The following TXNDC11 variants were observed in gnomAD, a reference collection of about 807,000 sequenced individuals.
TXNDC11 encodes thioredoxin domain containing 11.
A neutral mutation model predicts 78.0 loss-of-function variants in TXNDC11; 68 were observed. That is an observed-to-expected ratio of 0.87 (90% confidence interval 0.72 to 1.07). The LOEUF (loss-of-function observed/expected upper bound fraction) is 1.07, where lower values mean the gene tolerates loss of function less well. TXNDC11 is among the 50% of genes least tolerant of loss of function. The pLI is 0.00. For synonymous variants in TXNDC11, 571 were observed against 495.2 expected, an observed-to-expected ratio of 1.15 and a Z score of -2.03; for missense variants, 1,389 against 1,221.8, an observed-to-expected ratio of 1.14 and a Z score of -2.04.
At chr16:11,705,029 G>C (rs763659896) in intron 5 of TXNDC11, among the ~76,000 whole-genome samples, 3 of 151,848 alleles carry the variant, frequency 2.0e-5, no homozygotes, top group Non-Finnish European at 4.4e-5. Flanking sequence ...CGAGTAGCTG[G>C]GATTATAGGC....
chr16:11,688,395 G>A lies in TXNDC11; in HGVS notation c.1951C>T (p.Leu651Phe). ...SVLYSPLKRH[L>F]IGSGSAQFPS... ...AACTGGGCAGAGCCACTTCCAATGAGATGCCTTTTCAAGGGACTATAGAGA... is the reference window on the plus strand; with the variant it reads ...AACTGGGCAGAGCCACTTCCAATGAAATGCCTTTTCAAGGGACTATAGAGA... Residue 651 changes from leucine (L) to phenylalanine (F), a missense_variant, in exon 9 of 12, where the codon CTC becomes TTC. Leu to Phe is a conservative substitution (Grantham distance 22). Coordinates refer to ENST00000283033, the MANE Select transcript of TXNDC11 (RefSeq NM_015914.7). 6.2e-7 allele frequency: 1 copy of A among 1,613,988 alleles called. No individual in the cohort carries two copies. The highest frequency in any genetic ancestry group is 8.5e-7 in the Non-Finnish European group (1 of 1,179,874).
chr16:11,698,555 C>T (rs1357026922), intron 6 of TXNDC11, among the ~76,000 whole-genome samples: 1 of 152,248 alleles, frequency 6.6e-6, no homozygotes, highest in African/African-American at 2.4e-5. Context: ...TCGTGTGATT[C>T]ATCTTTCTGC....
At chr16:11,694,047 C>A (rs372318141) in intron 7 of TXNDC11, among the ~76,000 whole-genome samples, 8 of 150,904 alleles carry the variant, frequency 5.3e-5, no homozygotes, top group African/African-American at 2.0e-4. Flanking sequence ...AACAAAGCAG[C>A]CACGTAAAGA....
chr16:11,707,930 A>T lies in TXNDC11; in HGVS notation c.794-7366T>A, dbSNP rs1006555016. 4.3e-4 allele frequency among the ~76,000 whole-genome samples: 66 copies of T among 151,940 alleles called. 2 individuals carry two copies. Among genetic ancestry groups the T allele is most frequent in the African/African-American group, 1.9e-4 (8 of 41,380 alleles). ...AGACCCTAGCTCTAAAAAAATTTTT[A>T]AAAATTCGCTGAGCGTGATGATGTA... is the stretch of plus-strand genomic sequence containing the variant. On this transcript the variant is annotated intron_variant, in intron 5 of 11. Transcript: ENST00000283033.
chr16:11,708,948 T>A (rs934817178), intron 5 of TXNDC11, among the ~76,000 whole-genome samples: 4 of 152,250 alleles, frequency 2.6e-5, no homozygotes, highest in African/African-American at 4.8e-5. Flanking sequence ...ATTTACATAG[T>A]GATTCACTTT....
At position 11,725,200 on chromosome 16, in the gene TXNDC11, A is replaced by G. The variant is rs563650014; in HGVS notation, c.700-3530T>C. ...ACCTGGGTAGAAAATTATAGACCAT[A>G]CCCTGCCTGAATATTGTGACTATCA... On this transcript the variant is annotated intron_variant, in intron 4 of 11. Transcript: ENST00000283033. Among the ~76,000 whole-genome samples, 64 of 152,240 alleles carry G rather than the reference A, an allele frequency of 4.2e-4. No individual in the cohort carries two copies. The Middle Eastern group carries it at 0.014, about 33-fold the overall frequency.
chr16:11,691,019 A>C (rs1449789041), intron 8 of TXNDC11: 6 of 464,902 alleles, frequency 1.3e-5, no homozygotes, highest in Admixed American at 1.2e-4. Context: ...CATGTGACAG[A>C]AATCGCCAAT....
chr16:11,723,374 C>T (rs905332613), intron 4 of TXNDC11, among the ~76,000 whole-genome samples: 3 of 151,950 alleles, frequency 2.0e-5, no homozygotes, highest in Non-Finnish European at 2.9e-5. Context: ...CACTTGAGGT[C>T]GGGAGTTCAA....
intron 11 of TXNDC11, among the ~76,000 whole-genome samples, chr16:11,680,464 G>C (rs2141953084): frequency 6.6e-6 from 1 of 152,222 alleles, no homozygotes; most frequent in East Asian, 1.9e-4. Flanking sequence ...GCCCAGCCCT[G>C]AGAGCACAGA....
intron 5 of TXNDC11, among the ~76,000 whole-genome samples, chr16:11,717,492 G>A (rs889014547): frequency 5.2e-5 from 7 of 135,530 alleles, no homozygotes; most frequent in South Asian, 4.7e-4. Flanking sequence ...AAGAAAATAC[G>A]AAAGCACTAC....
intron 2 of TXNDC11, 40 bp downstream of exon 2, chr16:11,735,977 C>G: frequency 6.3e-7 from 1 of 1,597,678 alleles, no homozygotes; most frequent in Non-Finnish European, 8.6e-7. Context: ...ACATATAGGA[C>G]TGACAGTCAT....
chr16:11,679,185 A>T lies in TXNDC11; in HGVS notation c.*10T>A. On this transcript the variant is annotated 3_prime_UTR_variant, in exon 12 of 12. Transcript: ENST00000283033. This position sits in a 1 kb window ranked among gnomAD's most constrained non-coding sequence, Gnocchi z 4.6. Reference sequence around the variant, plus strand: ...TTTTCACCTCTGATTTCTTCATATCATTTAAAAAGTTAGTCTGTCCTGTTC... The same window carrying T: ...TTTTCACCTCTGATTTCTTCATATCTTTTAAAAAGTTAGTCTGTCCTGTTC... 2.5e-6 allele frequency: 4 copies of T among 1,610,858 alleles called. No individual in the cohort carries two copies. The highest frequency in any genetic ancestry group is 3.4e-6 in the Non-Finnish European group (4 of 1,179,440).
intron 7 of TXNDC11, among the ~76,000 whole-genome samples, chr16:11,696,607 G>C (rs1242006799): frequency 6.6e-6 from 1 of 152,180 alleles, no homozygotes; most frequent in Non-Finnish European, 1.5e-5. Flanking sequence ...AATACGGTGA[G>C]ATGCCACCTC....
chr16:11,725,751 C>T (rs533477829), intron 4 of TXNDC11, among the ~76,000 whole-genome samples: 2 of 152,376 alleles, frequency 1.3e-5, no homozygotes, highest in South Asian at 2.1e-4. Flanking sequence ...CTAATAACAA[C>T]TGAAGTATTT....
intron 7 of TXNDC11, among the ~76,000 whole-genome samples, chr16:11,693,414 CCA>C (rs1307408176): frequency 6.6e-6 from 1 of 152,152 alleles, no homozygotes; most frequent in Non-Finnish European, 1.5e-5. Flanking sequence ...TCAAATCTCA[CCA>C]CAGTTAGTTA....
At position 11,699,148 on chromosome 16, in the gene TXNDC11, G is replaced by A. The variant is rs201077482; in HGVS notation, c.907-823C>T. 1.3e-4 allele frequency among the ~76,000 whole-genome samples: 20 copies of A among 152,294 alleles called. No individual in the cohort carries two copies. In the East Asian group the frequency reaches 3.7e-3, roughly 28 times the overall value. ...ATAACAGAGACTAACCACTGCTTGT[G>A]TTTTTAAAAATAATGGTATCCCAGT... On this transcript the variant is annotated intron_variant, in intron 6 of 11. Transcript: ENST00000283033.
At chr16:11,722,399 T>C (rs540439177) in intron 4 of TXNDC11, among the ~76,000 whole-genome samples, 3 of 152,386 alleles carry the variant, frequency 2.0e-5, no homozygotes, top group African/African-American at 7.2e-5. Flanking sequence ...AGATATGTTC[T>C]GCCTTCCTGT....
chr16:11,721,545 G>C (rs1336380269), intron 5 of TXNDC11, 32 bp downstream of exon 5: 2 of 1,240,450 alleles, frequency 1.6e-6, no homozygotes, highest in African/African-American at 1.5e-5. Flanking sequence ...TTCTACTGAA[G>C]TAACAATGTC....
intron 4 of TXNDC11, among the ~76,000 whole-genome samples, chr16:11,728,469 T>C (rs1052574141): frequency 6.6e-6 from 1 of 152,192 alleles, no homozygotes; most frequent in Non-Finnish European, 1.5e-5. Context: ...AGGGACCCCA[T>C]CTTGGTAGCA....
Sources: allele counts gnomAD v4.1 joint callset (sites outside exome capture counted in the v4.1 genomes callset), GRCh38; gene constraint gnomAD v4.1.1; non-coding constraint Gnocchi (gnomAD v3.1); transcripts MANE v1.5; gene names NCBI Gene and HGNC (gene_info 2026-07-23, HGNC 2026-07-21).